DPYD: variants seen among roughly 807,000 people sequenced by gnomAD.
DPYD encodes the protein dihydropyrimidine dehydrogenase [NADP(+)].
A neutral mutation model predicts 116.2 loss-of-function variants in DPYD; 109 were observed. That is an observed-to-expected ratio of 0.94 (90% CI 0.80 to 1.10). The LOEUF is 1.10. Among genes scored for constraint, DPYD ranks in the 50% least tolerant of loss-of-function variants. DPYD has a pLI of 0.00. For missense variants in DPYD, 1,302 were observed against 1,254.5 expected (o/e 1.04, Z -0.57); for synonymous variants, 440 against 432.0 (o/e 1.02, Z -0.23).
At chr1:97,323,269 T>C (rs985526023) in intron 16 of DPYD, among the ~76,000 whole-genome samples, 1 of 148,412 alleles carries the variant, frequency 6.7e-6, no homozygotes, top group African/African-American at 2.5e-5. Flanking sequence ...TACATATGTG[T>C]ATATGTACAC....
At chr1:97,401,219 T>A (rs116675568) in intron 14 of DPYD, among the ~76,000 whole-genome samples, 5,022 of 152,220 alleles carry the variant, frequency 0.033, 129 homozygotes, top group Non-Finnish European at 0.051. Context: ...ATAACCGTAC[T>A]TTCTCCAATG....
chr1:97,487,428 C>CT (rs1678701767), intron 13 of DPYD, among the ~76,000 whole-genome samples: 1 of 152,202 alleles, frequency 6.6e-6, no homozygotes, highest in Admixed American at 6.5e-5. Flanking sequence ...AATCCCAGCA[C>CT]TTTGGGAGGC....
intron 16 of DPYD, among the ~76,000 whole-genome samples, chr1:97,312,923 A>T (rs532999521): frequency 7.7e-4 from 117 of 152,036 alleles, no homozygotes; most frequent in Non-Finnish European, 1.4e-3. Flanking sequence ...AAGGCACTCA[A>T]ATATAAATAG....
intron 20 of DPYD, among the ~76,000 whole-genome samples, chr1:97,125,596 C>A (rs1652775635): frequency 6.6e-6 from 1 of 152,056 alleles, no homozygotes; most frequent in South Asian, 2.1e-4. Flanking sequence ...TGTCCTCCCC[C>A]AATTCATATA....
intron 14 of DPYD, among the ~76,000 whole-genome samples, chr1:97,445,253 G>T (rs1676012336): frequency 1.3e-5 from 2 of 152,184 alleles, no homozygotes; most frequent in Admixed American, 1.3e-4. Context: ...GACTGGTTCT[G>T]CCCAGTTTAC....
At chr1:97,614,922 G>A (rs760133813) in intron 8 of DPYD, among the ~76,000 whole-genome samples, 1 of 151,940 alleles carries the variant, frequency 6.6e-6, no homozygotes, top group African/African-American at 2.4e-5. Flanking sequence ...AATCAAAGCC[G>A]CCTCTTTTCT....
chr1:97,577,483 C>T lies in DPYD; in HGVS notation c.1129-3513G>A, dbSNP rs542255193. Among the ~76,000 whole-genome samples the T allele has an allele frequency of 3.2e-4, 48 of 152,260 alleles. No individual in the cohort carries two copies. The South Asian group carries it at 4.8e-3, about 15-fold the overall frequency. On this transcript the variant is annotated intron_variant, in intron 10 of 22. Transcript: ENST00000370192. ...TCCCACGAGAAACCTGTTTGGATAA[C>T]GCCCTGGACCCATAAATAAAGGCAC...
intron 1 of DPYD, among the ~76,000 whole-genome samples, chr1:97,914,996 A>G (rs1315644845): frequency 2.6e-5 from 4 of 152,168 alleles, no homozygotes; most frequent in Admixed American, 6.5e-5. Flanking sequence ...ATGTTTATAT[A>G]ATGTACATGA....
chr1:97,560,746 T>C (rs1001183039), intron 11 of DPYD, among the ~76,000 whole-genome samples: 3 of 152,042 alleles, frequency 2.0e-5, no homozygotes, highest in African/African-American at 7.2e-5. Context: ...TAGGGTTACA[T>C]GAAAGAGACT....
intron 10 of DPYD, among the ~76,000 whole-genome samples, chr1:97,589,893 C>A (rs1049224881): frequency 6.6e-6 from 1 of 152,110 alleles, no homozygotes; most frequent in East Asian, 1.9e-4. Context: ...TCTAAAGAAA[C>A]CAAATGTGGC....
intron 18 of DPYD, among the ~76,000 whole-genome samples, chr1:97,274,231 C>T (rs1022288701): frequency 5.9e-5 from 9 of 152,118 alleles, no homozygotes; most frequent in East Asian, 1.9e-4. Flanking sequence ...ATGTAATCCC[C>T]GCTGTCAGAG....
intron 18 of DPYD, among the ~76,000 whole-genome samples, chr1:97,290,368 A>G (rs759773886): frequency 2.6e-5 from 4 of 152,286 alleles, no homozygotes; most frequent in African/African-American, 7.2e-5. Flanking sequence ...AAGAGAGCCC[A>G]CATCGCCAAG....
chr1:97,205,774 C>A (rs1466260101), intron 19 of DPYD, among the ~76,000 whole-genome samples: 1 of 152,066 alleles, frequency 6.6e-6, no homozygotes, highest in Non-Finnish European at 1.5e-5. Context: ...TTTTTCATTG[C>A]ACCAGCCTGT....
chr1:97,250,144 C>T (rs1263697741), intron 18 of DPYD, among the ~76,000 whole-genome samples: 1 of 151,998 alleles, frequency 6.6e-6, no homozygotes, highest in Non-Finnish European at 1.5e-5. Flanking sequence ...GTGGTGTGTG[C>T]CTGTAATCCC....
chr1:97,457,333 G>A (rs1676742383), intron 13 of DPYD, among the ~76,000 whole-genome samples: 1 of 152,072 alleles, frequency 6.6e-6, no homozygotes, highest in South Asian at 2.1e-4. Context: ...AGCATGTGGT[G>A]TCTTATACCA....
rs71071635 is a variant in DPYD, at chr1:97,130,931, CTCTATCTA to C, written c.2623-32307_2623-32300del. Among the ~76,000 whole-genome samples the C allele has an allele frequency of 3.7e-4, 51 of 136,800 alleles. 1 individual carries two copies. Among genetic ancestry groups the C allele is most frequent in the African/African-American group, 9.4e-4 (33 of 35,066 alleles). 89.7% of individuals were successfully genotyped at this position (136,800 alleles called of 152,430 possible). A position where few individuals can be genotyped will look rare whatever the true frequency, so the allele number is the denominator to read the frequency against. On this transcript the variant is annotated intron_variant, in intron 20 of 22. Transcript: ENST00000370192. ...ACTCCCTCCCTCCCTCTTTCTCTCT[CTCTATCTA>C]TCTATCTATCTATCTAACTTCTGCA...
chr1:97,585,605 C>A (rs1654036659), intron 10 of DPYD, among the ~76,000 whole-genome samples: 1 of 151,974 alleles, frequency 6.6e-6, no homozygotes, highest in Admixed American at 6.5e-5. Context: ...AAAACAATGA[C>A]AATTCTTTGT....
chr1:97,845,958 A>G (rs1030631549), intron 2 of DPYD, among the ~76,000 whole-genome samples: 1 of 152,234 alleles, frequency 6.6e-6, no homozygotes, highest in Admixed American at 6.5e-5. Context: ...CTGCTGCAGC[A>G]GCAAGCATCC....
intron 21 of DPYD, among the ~76,000 whole-genome samples, chr1:97,088,702 C>T (rs1226099864): frequency 6.6e-6 from 1 of 152,176 alleles, no homozygotes; most frequent in Non-Finnish European, 1.5e-5. Flanking sequence ...TCCCCTAGCC[C>T]TTCCATCAGA....
Sources: gnomAD v4.1 joint callset for allele counts (sites outside exome capture counted in the v4.1 genomes callset) on GRCh38, gnomAD v4.1.1 for gene constraint, MANE v1.5 for transcripts, NCBI Gene and HGNC (gene_info 2026-07-23, HGNC 2026-07-21) for gene names.